Variants in TRIM55 observed in about 807,000 individuals in gnomAD.
TRIM55 encodes tripartite motif-containing protein 55.
Under a neutral mutation model 60.9 loss-of-function variants are expected in TRIM55, and 50 were observed. The observed-to-expected ratio is 0.82, with a 90% CI of 0.65 to 1.04. The LOEUF is 1.04. TRIM55 is among the 50% of genes least tolerant of loss of function. The pLI, the probability that TRIM55 is intolerant of heterozygous loss-of-function variation, is 0.00. For missense variants in TRIM55, 681 were observed against 666.9 expected, an observed-to-expected ratio of 1.02 and a Z score of -0.23; for synonymous variants, 237 against 238.1, an observed-to-expected ratio of 1.00 and a Z score of 0.04.
chr8:66,131,424 G>A (rs1809152619), intron 2 of TRIM55, among the ~76,000 whole-genome samples: 1 of 152,114 alleles, frequency 6.6e-6, no homozygotes, highest in African/African-American at 2.4e-5. Context: ...CTACTGGTAT[G>A]CTCCTATTCT....
chr8:66,122,409 A>G (rs1357123800), upstream of TRIM55, among the ~76,000 whole-genome samples: 1 of 152,100 alleles, frequency 6.6e-6, no homozygotes, highest in African/African-American at 2.4e-5. Flanking sequence ...GACCAAGCCA[A>G]TGTTCATCTT....
chr8:66,156,802 C>G (rs1421333390), intron 9 of TRIM55, among the ~76,000 whole-genome samples: 1 of 152,168 alleles, frequency 6.6e-6, no homozygotes, highest in Non-Finnish European at 1.5e-5. Flanking sequence ...TCTGCCGTGT[C>G]TGGAACTGTG....
intron 2 of TRIM55, among the ~76,000 whole-genome samples, chr8:66,132,204 A>G (rs1349677266): frequency 2.0e-5 from 3 of 152,158 alleles, no homozygotes; most frequent in Non-Finnish European, 4.4e-5. Context: ...TAATCCCAGC[A>G]CTTTGGGAGG....
chr8:66,172,297 G>A (rs1004185333), intron 9 of TRIM55, among the ~76,000 whole-genome samples: 2 of 152,176 alleles, frequency 1.3e-5, no homozygotes, highest in African/African-American at 4.8e-5. Flanking sequence ...ACTAGGCTAA[G>A]CCTCTTTGCA....
chr8:66,157,340 A>G (rs911056223), intron 9 of TRIM55, among the ~76,000 whole-genome samples: 3 of 152,184 alleles, frequency 2.0e-5, no homozygotes, highest in African/African-American at 7.2e-5. Flanking sequence ...ATGATGGAGT[A>G]CTACTCTTTG....
chr8:66,135,396 C>A (rs1809427106), intron 3 of TRIM55, among the ~76,000 whole-genome samples: 1 of 152,184 alleles, frequency 6.6e-6, no homozygotes. Flanking sequence ...TGCCCAGGTT[C>A]AGGAAGTGGT....
intron 2 of TRIM55, among the ~76,000 whole-genome samples, chr8:66,132,214 G>GCTGAGGTGGACAGATCAC (rs1563634919): frequency 6.6e-6 from 1 of 152,178 alleles, no homozygotes; most frequent in Non-Finnish European, 1.5e-5. Context: ...ACTTTGGGAG[G>GCTGAGGTGGACAGATCAC]CTGAGGTGGA....
chr8:66,139,836 C>T (rs1372316729), intron 4 of TRIM55, among the ~76,000 whole-genome samples: 3 of 151,982 alleles, frequency 2.0e-5, no homozygotes, highest in African/African-American at 4.8e-5. Context: ...AATATACGTT[C>T]TTATTTATTG....
intron 9 of TRIM55, among the ~76,000 whole-genome samples, chr8:66,164,358 G>A (rs10093753): frequency 0.041 from 6,314 of 152,208 alleles, 418 homozygotes; most frequent in African/African-American, 0.14. Flanking sequence ...ACTGTTCTGT[G>A]GGGCTCTATT....
chr8:66,117,932 C>T, the TRIM55 span, among the ~76,000 whole-genome samples: 7 of 151,602 alleles, frequency 4.6e-5, no homozygotes, highest in South Asian at 4.2e-4. Flanking sequence ...TTTGGGAGGC[C>T]GAGGCGGGTG....
intron 5 of TRIM55, 43 bp downstream of exon 5, chr8:66,149,921 G>T (rs781270662): frequency 1.4e-6 from 2 of 1,459,092 alleles, no homozygotes; most frequent in South Asian, 2.4e-5. Context: ...CAAAAGGTGG[G>T]TGTTGGAAAA....
At chr8:66,128,263 T>C in intron 1 of TRIM55, 41 bp from the exon 2 acceptor site, 1 of 1,528,352 alleles carries the variant, frequency 6.5e-7, no homozygotes, top group African/African-American at 1.4e-5. Flanking sequence ...AAGCTGCTTG[T>C]GGCATTACCC....
intron 9 of TRIM55, 85 bp from the exon 10 acceptor site, chr8:66,174,386 C>G: frequency 8.6e-7 from 1 of 1,166,488 alleles, no homozygotes; most frequent in Non-Finnish European, 1.2e-6. Flanking sequence ...TATTATTATA[C>G]TTTCTCCTCA....
chr8:66,163,534 G>A (rs902634542), intron 9 of TRIM55, among the ~76,000 whole-genome samples: 3 of 152,116 alleles, frequency 2.0e-5, no homozygotes, highest in Admixed American at 2.0e-4. Flanking sequence ...TGACCCATGG[G>A]TTATTTAGAT....
chr8:66,165,099 G>A (rs561148296), intron 9 of TRIM55, among the ~76,000 whole-genome samples: 21 of 152,152 alleles, frequency 1.4e-4, no homozygotes, highest in African/African-American at 4.8e-4. Flanking sequence ...ACCAATACAC[G>A]TGTCCCCAGA....
In TRIM55 at chr8:66,127,223, A is replaced by C; in HGVS notation, c.-46A>C. 3 of 1,574,820 alleles carry C rather than the reference A, an allele frequency of 1.9e-6. No homozygotes were observed. Among genetic ancestry groups the C allele is most frequent in the Non-Finnish European group, 2.6e-6 (3 of 1,154,706 alleles). On this transcript the variant is annotated 5_prime_UTR_variant, in exon 1 of 10. Coordinates refer to ENST00000315962, the MANE Select transcript of TRIM55 (RefSeq NM_184085.2). ...TATCCAGGAAACACTTGCTGGAGCC[A>C]CTCGCAGCACCCTTCCCTGGCAGCA...
chr8:66,156,898 C>T lies in TRIM55; in HGVS notation c.1524+2564C>T, dbSNP rs1053002510. On this transcript the variant is annotated intron_variant, in intron 9 of 9. Transcript: ENST00000315962. ...GTCCTGAGTGTCCTTACAGTCTGCT[C>T]AGCTGCCCAACTCCTTCAGACATTA... is the stretch of plus-strand genomic sequence containing the variant. Among the ~76,000 whole-genome samples the T allele has an allele frequency of 4.6e-5, 7 of 152,170 alleles. No homozygotes were observed. In the South Asian group the frequency reaches 1.4e-3, roughly 31 times the overall value.
At chr8:66,140,210 G>A (rs943296712) in intron 4 of TRIM55, among the ~76,000 whole-genome samples, 1 of 152,182 alleles carries the variant, frequency 6.6e-6, no homozygotes. Context: ...TAAGCAACCC[G>A]TGACTGTGGA....
chr8:66,115,410 A>C, the TRIM55 span, among the ~76,000 whole-genome samples: 2 of 152,224 alleles, frequency 1.3e-5, no homozygotes, highest in African/African-American at 4.8e-5. Context: ...TTATTTTATC[A>C]GATGACATGT....
Sources: gnomAD v4.1 joint callset for allele counts (sites outside exome capture counted in the v4.1 genomes callset) on GRCh38, gnomAD v4.1.1 for gene constraint, MANE v1.5 for transcripts, NCBI Gene and HGNC (gene_info 2026-07-23, HGNC 2026-07-21) for gene names.